CSTF2: variants seen among roughly 807,000 people sequenced by gnomAD.
CSTF2 encodes the protein CF-1 64 kDa subunit.
Under a neutral mutation model 45.4 loss-of-function variants are expected in CSTF2, and 8 were observed. The ratio of observed to expected loss-of-function variants is 0.18; its 90% CI spans 0.10 to 0.32. The LOEUF is 0.32. Ranked by LOEUF, CSTF2 falls within the 10% of genes least tolerant of loss-of-function variation. The probability of loss-of-function intolerance (pLI) is 1.00; values close to 1 mark genes in which losing one functional copy is unlikely to be tolerated. For missense variants in CSTF2, 253 were observed against 477.1 expected, an observed-to-expected ratio of 0.53 and a Z score of 4.38; for synonymous variants, 155 against 158.9, an observed-to-expected ratio of 0.98 and a Z score of 0.18.
chrX:100,835,026 C>T (rs2084999274), intron 11 of CSTF2, among the ~76,000 whole-genome samples: 1 of 111,030 alleles, frequency 9.0e-6, no homozygotes, highest in South Asian at 3.8e-4. Flanking sequence ...CAAATTTTAT[C>T]TTCAAACCTT....
intron 1 of CSTF2, among the ~76,000 whole-genome samples, chrX:100,821,181 C>T (rs1226106775): frequency 8.9e-6 from 1 of 112,293 alleles, no homozygotes; most frequent in African/African-American, 3.2e-5. Context: ...TACATAGGAA[C>T]CTGTTTTAAA....
chrX:100,835,059 ATTAAC>A (rs2084999590), intron 11 of CSTF2, among the ~76,000 whole-genome samples: 1 of 110,927 alleles, frequency 9.0e-6, no homozygotes, highest in Admixed American at 9.6e-5. Flanking sequence ...AAATTAATAT[ATTAAC>A]TTATAAATAT....
intron 9 of CSTF2, among the ~76,000 whole-genome samples, chrX:100,832,054 T>C (rs1231923929): frequency 9.1e-6 from 1 of 110,327 alleles, no homozygotes; most frequent in Non-Finnish European, 1.9e-5. Flanking sequence ...CCATCTCTAC[T>C]AAAAATAGAA....
intron 8 of CSTF2, chrX:100,830,939 C>T (rs1386708282): frequency 1.5e-5 from 13 of 878,138 alleles, no homozygotes; most frequent in South Asian, 4.5e-5. Flanking sequence ...AAAAGAGCTG[C>T]GTGGCAGTCA....
intron 7 of CSTF2, among the ~76,000 whole-genome samples, 158 bp downstream of exon 7, chrX:100,826,915 G>A (rs534410958): frequency 4.5e-5 from 5 of 111,897 alleles, no homozygotes; most frequent in East Asian, 5.6e-4. Context: ...GATTTCTTAC[G>A]TTAAATCCTG....
chrX:100,835,291 A>T (rs1449562892), intron 11 of CSTF2, among the ~76,000 whole-genome samples: 1 of 104,327 alleles, frequency 9.6e-6, no homozygotes, highest in Non-Finnish European at 2.0e-5. Flanking sequence ...AAAAAAAAAA[A>T]GCCAGGGTAG....
At chrX:100,828,362 G>A (rs1291964349) in intron 8 of CSTF2, among the ~76,000 whole-genome samples, 5 of 111,975 alleles carry the variant, frequency 4.5e-5, no homozygotes, top group Admixed American at 2.8e-4. Flanking sequence ...CTATTGGACA[G>A]TGCTGGTCTA....
In CSTF2 at chrX:100,833,171, T is replaced by C. The variant is rs768896918; in HGVS notation, c.1208-9T>C. 1.7e-6 allele frequency: 2 copies of C among 1,204,073 alleles called. No homozygotes were observed. The highest frequency in any genetic ancestry group is 2.2e-6 in the Non-Finnish European group (2 of 890,470). On this transcript the variant is annotated splice_polypyrimidine_tract_variant and intron_variant, in intron 10 of 13. Coordinates refer to ENST00000372972, the MANE Select transcript of CSTF2 (RefSeq NM_001325.3). ...CTACATAATGGTTTTGTTACATTTT[T>C]CTTTATAGGTGGAAGGGATCCCCGA... is the stretch of plus-strand genomic sequence containing the variant.
intron 6 of CSTF2, 21 bp downstream of exon 6, chrX:100,824,278 AT>A (rs753312577): frequency 1.7e-6 from 2 of 1,171,118 alleles, no homozygotes; most frequent in East Asian, 3.0e-5. Flanking sequence ...ATCCCTTAAC[AT>A]TTTTTTGTAT....
In CSTF2 at chrX:100,838,459, G is replaced by A. The variant is rs1018011425; in HGVS notation, c.*3+95G>A. On this transcript the variant is annotated intron_variant, in intron 13 of 13. Transcript: ENST00000372972. ...TAACCAACAAGATTGTTCTCTCAGC[G>A]GCCCTCAATCCACTCAGCTAGACTC... The A allele has an allele frequency of 2.4e-5, 21 of 876,947 alleles. No homozygotes were observed. The Admixed American group carries it at 2.9e-4, about 12-fold the overall frequency. 72.3% of individuals were successfully genotyped at this position (876,947 alleles called of 1,213,427 possible).
chrX:100,830,009 G>T (rs1569439780), intron 8 of CSTF2, among the ~76,000 whole-genome samples: 1 of 112,065 alleles, frequency 8.9e-6, no homozygotes, highest in East Asian at 2.8e-4. Flanking sequence ...TCAGTACCCA[G>T]CAGAGGAAGC....
rs1409899949 is a variant in CSTF2, at chrX:100,820,442, C to A, written c.26C>A (p.Pro9Gln). Reference sequence around the variant, plus strand: ...ATGGCGGGTTTGACTGTGAGAGACCCAGCGGTGGATCGTTCTCTACGTTCT... The same window carrying A: ...ATGGCGGGTTTGACTGTGAGAGACCAAGCGGTGGATCGTTCTCTACGTTCT... MAGLTVRD[P>Q]AVDRSLRSVF... Residue 9 changes from proline to glutamine, a missense_variant, in exon 1 of 14, where the codon CCA (proline) becomes CAA (glutamine). Pro to Gln is a moderately conservative substitution (Grantham distance 76, BLOSUM62 -1). This residue lies in a region of CSTF2 where 45 missense variants were observed against 147.5 expected (regional missense o/e 0.31). Transcript: ENST00000372972. 1.7e-6 allele frequency: 2 copies of A among 1,210,722 alleles called. No homozygotes were observed. Among genetic ancestry groups the A allele is most frequent in the Non-Finnish European group, 2.2e-6 (2 of 895,150 alleles).
intron 3 of CSTF2, 189 bp downstream of exon 3, chrX:100,822,609 T>G: frequency 1.1e-5 from 5 of 438,667 alleles, no homozygotes; most frequent in Non-Finnish European, 1.9e-5. Context: ...TTTATAAATT[T>G]TTTTTCAAGT....
chrX:100,837,503 C>G (rs1020131974), intron 12 of CSTF2, 54 bp downstream of exon 12: 2 of 830,338 alleles, frequency 2.4e-6, no homozygotes, highest in Non-Finnish European at 1.8e-6. Flanking sequence ...CTTTTTGATT[C>G]CTCTTTTCAC....
At position 100,837,245 on chromosome X, in the gene CSTF2, G is replaced by A. The variant is rs1000914348; in HGVS notation, c.1501-94G>A. Reference sequence around the variant, plus strand: ...TGATTTGCTTTTTTTACTCATATCTGTATAGAGATCATAATTTGTCACATT... The same window carrying A: ...TGATTTGCTTTTTTTACTCATATCTATATAGAGATCATAATTTGTCACATT... On this transcript the variant is annotated intron_variant, in intron 11 of 13. Transcript: ENST00000372972. The A allele has an allele frequency of 7.5e-6, 4 of 536,655 alleles. No homozygotes were observed. In the South Asian group the frequency reaches 1.0e-4, roughly 14 times the overall value. The allele number at this position is 536,655 out of a possible 1,213,427, so 44.2% of individuals were successfully genotyped here. A position where few individuals can be genotyped will look rare whatever the true frequency, so the allele number is the denominator to read the frequency against.
At chrX:100,836,180 A>G (rs1043981800) in intron 11 of CSTF2, among the ~76,000 whole-genome samples, 3 of 112,248 alleles carry the variant, frequency 2.7e-5, no homozygotes, top group Non-Finnish European at 5.6e-5. Flanking sequence ...AATGTTCCAG[A>G]TAATAGAACT....
chrX:100,832,452 A>G (rs1010766992), intron 9 of CSTF2, among the ~76,000 whole-genome samples: 5 of 112,074 alleles, frequency 4.5e-5, no homozygotes, highest in Admixed American at 2.8e-4. Flanking sequence ...ATTTGAACCC[A>G]TACAGTCTGA....
chrX:100,827,321 G>GTA (rs2084950688), intron 7 of CSTF2, among the ~76,000 whole-genome samples: 2 of 112,359 alleles, frequency 1.8e-5, no homozygotes, highest in South Asian at 7.4e-4. Context: ...TATTGAAAAT[G>GTA]TATAGATCGG....
Position 100,827,041 on chromosome X carries a change from T to C in CSTF2, c.826+284T>C, listed in dbSNP as rs184202813. On this transcript the variant is annotated intron_variant, in intron 7 of 13. Coordinates refer to ENST00000372972, the MANE Select transcript of CSTF2 (RefSeq NM_001325.3). ...GGAAACAAAATCAAGCCAGCAAAAATAGAGAAGAGGAAAAAAGTAAGAGAC... is the reference window on the plus strand; with the variant it reads ...GGAAACAAAATCAAGCCAGCAAAAACAGAGAAGAGGAAAAAAGTAAGAGAC... Among the ~76,000 whole-genome samples, 26 of 110,607 alleles carry C rather than the reference T, an allele frequency of 2.4e-4. No individual in the cohort carries two copies. In the East Asian group the frequency reaches 7.4e-3, roughly 31 times the overall value.
Sources: gnomAD v4.1 joint callset for allele counts (sites outside exome capture counted in the v4.1 genomes callset) on GRCh38, gnomAD v4.1.1 for gene constraint, gnomAD v4.1.1 regional missense constraint, MANE v1.5 for transcripts, NCBI Gene and HGNC (gene_info 2026-07-23, HGNC 2026-07-21) for gene names.